The following CD7 variants were observed in gnomAD, a reference collection of about 807,000 sequenced individuals.
CD7 encodes CD7 molecule, also known as T-cell antigen CD7.
Under a neutral mutation model 17.6 loss-of-function variants are expected in CD7, and 19 were observed. That is an observed-to-expected ratio of 1.08 (90% CI 0.75 to 1.58). CD7 has a LOEUF of 1.58. Ranked by LOEUF, CD7 falls within the 40% of genes most tolerant of loss-of-function variation. The pLI is 0.00. For synonymous variants in CD7, 160 were observed against 159.8 expected, an observed-to-expected ratio of 1.00 and a Z score of -0.01; for missense variants, 291 against 327.1, an observed-to-expected ratio of 0.89 and a Z score of 0.85.
chr17:82,317,050 C>T, intron 1 of CD7, 69 bp from the exon 2 acceptor site: 1 of 1,393,614 alleles, frequency 7.2e-7, no homozygotes, highest in Non-Finnish European at 9.6e-7. Flanking sequence ...CTGCAGGGGA[C>T]AGTGGTGGGG....
At position 82,315,367 on chromosome 17, in the gene CD7, G is replaced by T. The variant is rs751672673; in HGVS notation, c.677C>A (p.Ser226Ter). ...SAACVVYEDM[S>*]HSRCNTLSSP... ...GGACAGCGTGTTGCAGCGGCTGTGCGACATGTCCTCGTACACCACACATGC... is the reference window on the plus strand; with the variant it reads ...GGACAGCGTGTTGCAGCGGCTGTGCTACATGTCCTCGTACACCACACATGC... Residue 226 changes from serine (S) to a stop codon, truncating the protein, a stop_gained, in exon 4 of 4, where the codon TCG becomes TAG. Coordinates refer to ENST00000312648, the MANE Select transcript of CD7 (RefSeq NM_006137.7). LOFTEE classifies it high-confidence loss of function. 6.2e-7 allele frequency: 1 copy of T among 1,613,300 alleles called. No homozygotes were observed. Among genetic ancestry groups the T allele is most frequent in the Non-Finnish European group, 8.5e-7 (1 of 1,179,876 alleles).
rs780666550 is a variant in CD7, at chr17:82,316,900, C to T, written c.164G>A (p.Arg55His). The T allele has an allele frequency of 1.1e-5, 18 of 1,612,672 alleles. No homozygotes were observed. Among genetic ancestry groups the T allele is most frequent in the African/African-American group, 8.0e-5 (6 of 74,896 alleles). The change falls in exon 2 of 4, where the codon CGT becomes CAT. Residue 55 changes from arginine (R) to histidine (H), a missense_variant. Arg to His is a conservative substitution (Grantham distance 29, BLOSUM62 0). Coordinates refer to ENST00000312648, the MANE Select transcript of CD7 (RefSeq NM_006137.7). ...CCCGAGCTGCCTCAGGTAGATCCCA[C>T]GCAGGCCCCCGCTGGTGGAGCAGGT... Reference protein sequence around the residue: ...NITCSTSGGLRGIYLRQLGPQ... With the variant: ...NITCSTSGGLHGIYLRQLGPQ...
rs1163689483 is a variant in CD7 at position 82,317,468 on chromosome 17, G to A, written c.28C>T (p.Leu10=). Residue 10 remains leucine (L), a synonymous_variant, in exon 1 of 4, where the codon CTG becomes TTG. Transcript: ENST00000312648. ...CGAGCCAGCGCCAGAAGCAGGGGCA[G>A]CAGCAGGAGCCTCGGAGGCCCGGCC... The part of the protein sequence containing the change: MAGPPRLLL[L]PLLLALARGL... 2 of 1,573,746 alleles carry A rather than the reference G, an allele frequency of 1.3e-6. No homozygotes were observed. The highest frequency in any genetic ancestry group is 1.7e-6 in the Non-Finnish European group (2 of 1,160,354).
Position 82,316,675 on chromosome 17 carries a change from A to G in CD7, c.389T>C (p.Leu130Pro). Reference sequence around the variant, plus strand: ...ATGGGCACATTCCCTACCTGTCACCAGGACCAGGGTGCCGGAGCCGTAGAC... The same window carrying G: ...ATGGGCACATTCCCTACCTGTCACCGGGACCAGGGTGCCGGAGCCGTAGAC... ...VNVYGSGTLV[L>P]VTEEQSQGWH... The change falls in exon 2 of 4, where the codon CTG becomes CCG. Residue 130 changes from leucine to proline, a missense_variant. By Grantham distance (98) the Leu-to-Pro change is moderately conservative (BLOSUM62 -3). Coordinates refer to ENST00000312648, the MANE Select transcript of CD7 (RefSeq NM_006137.7). The G allele has an allele frequency of 6.2e-7, 1 of 1,611,268 alleles. No individual in the cohort carries two copies. Among genetic ancestry groups the G allele is most frequent in the Non-Finnish European group, 8.5e-7 (1 of 1,179,928 alleles).
rs142275515 is a variant in CD7, at chr17:82,315,988, G to A, written c.612+207C>T. ...GCACACGCGCACACGCGGGCCCAGC[G>A]CCTGGGCTGCTCCCTCCCCCTCAGG... On this transcript the variant is annotated intron_variant, in intron 3 of 3. Transcript: ENST00000312648. 1.5e-3 allele frequency: 1,029 copies of A among 668,690 alleles called. 16 individuals carry two copies. In the East Asian group the frequency reaches 0.025, roughly 16 times the overall value. The allele number at this position is 668,690 out of a possible 1,614,324, so 41.4% of individuals were successfully genotyped here.
chr17:82,316,706 C>A lies in CD7; in HGVS notation c.358G>T (p.Val120Phe), dbSNP rs1194755425. The A allele has an allele frequency of 1.2e-6, 2 of 1,613,522 alleles. No homozygotes were observed. The highest frequency in any genetic ancestry group is 1.7e-6 in the Non-Finnish European group (2 of 1,180,012). Residue 120 changes from valine (V) to phenylalanine (F), a missense_variant, in exon 2 of 4, where the codon GTC (valine) becomes TTC (phenylalanine). Physicochemically the swap from Val to Phe is conservative, Grantham distance 50. Coordinates refer to ENST00000312648, the MANE Select transcript of CD7 (RefSeq NM_006137.7). Reference protein sequence around the residue: ...GTYTCQAITEVNVYGSGTLVL... With the variant: ...GTYTCQAITEFNVYGSGTLVL... Reference sequence around the variant, plus strand: ...AGGGTGCCGGAGCCGTAGACATTGACCTCCGTGATGGCCTGGCAGGTGTAG... The same window carrying A: ...AGGGTGCCGGAGCCGTAGACATTGAACTCCGTGATGGCCTGGCAGGTGTAG...
At position 82,315,037 on chromosome 17, in the gene CD7, C is replaced by A; in HGVS notation, c.*284G>T. On this transcript the variant is annotated 3_prime_UTR_variant, in exon 4 of 4. Transcript: ENST00000312648. ...ATCCCACAGAAAAGCCCTCCTTGGC[C>A]ATGGTCGGGAGATGCAGCCAAAGGA... The A allele has an allele frequency of 2.5e-6, 1 of 396,074 alleles. No homozygotes were observed. The highest frequency in any genetic ancestry group is 4.8e-6 in the Non-Finnish European group (1 of 206,726). 24.5% of individuals were successfully genotyped at this position (396,074 alleles called of 1,614,324 possible). A position where few individuals can be genotyped will look rare whatever the true frequency, so the allele number is the denominator to read the frequency against.
rs368275980 is a variant in CD7 at position 82,316,735 on chromosome 17, C to T, written c.329G>A (p.Gly110Asp). 28 of 1,613,564 alleles carry T rather than the reference C, an allele frequency of 1.7e-5. No individual in the cohort carries two copies. The African/African-American group carries it at 3.5e-4, about 20-fold the overall frequency. Residue 110 changes from glycine (G) to aspartate (D), a missense_variant, in exon 2 of 4, where the codon GGC (glycine) becomes GAC (aspartate). Gly to Asp is a moderately conservative substitution (Grantham distance 94). Transcript: ENST00000312648. ...TMHRLQLSDTGTYTCQAITEV... is the reference protein window; with the variant it reads ...TMHRLQLSDTDTYTCQAITEV... ...CGTGATGGCCTGGCAGGTGTAGGTG[C>T]CAGTGTCCGACAGCTGCAGGCGGTG...
chr17:82,317,377 T>A (rs3176829), intron 1 of CD7, 37 bp downstream of exon 1: 1 of 1,533,480 alleles, frequency 6.5e-7, no homozygotes, highest in Non-Finnish European at 8.8e-7. Context: ...GGGAGAGCTC[T>A]GGAGCTGTGG....
rs1490163164 is a variant in CD7, at chr17:82,315,317, T to C, written c.*4A>G. 3.7e-6 allele frequency: 6 copies of C among 1,601,728 alleles called. No homozygotes were observed. The highest frequency in any genetic ancestry group is 2.6e-6 in the Non-Finnish European group (3 of 1,170,822). ...ACAGGCGGGACGTGCAGGGGCCCACTGGGTCACTGGTACTGGTTGGGGGAG... is the reference window on the plus strand; with the variant it reads ...ACAGGCGGGACGTGCAGGGGCCCACCGGGTCACTGGTACTGGTTGGGGGAG... On this transcript the variant is annotated 3_prime_UTR_variant, in exon 4 of 4. Transcript: ENST00000312648.
At chr17:82,316,050 G>A (rs1599646784) in intron 3 of CD7, 145 bp downstream of exon 3, 2 of 901,486 alleles carry the variant, frequency 2.2e-6, no homozygotes, top group African/African-American at 1.7e-5. Flanking sequence ...CCCCGCCGAG[G>A]CCACTTCCAC....
intron 2 of CD7, 25 bp downstream of exon 2, chr17:82,316,642 G>C (rs767309357): frequency 5.4e-5 from 86 of 1,601,700 alleles, no homozygotes; most frequent in Non-Finnish European, 6.7e-5. Flanking sequence ...TTGGGAGGGG[G>C]GTCTGGGATG....
chr17:82,316,013 G>T (rs889249233), intron 3 of CD7, 182 bp downstream of exon 3: 2 of 709,498 alleles, frequency 2.8e-6, no homozygotes, highest in Non-Finnish European at 2.4e-6. Flanking sequence ...TCCCCCTCAG[G>T]TCGCTTTGGT....
intron 3 of CD7, 109 bp downstream of exon 3, chr17:82,316,086 G>A: frequency 1.7e-6 from 2 of 1,154,762 alleles, no homozygotes; most frequent in Non-Finnish European, 1.3e-6. Context: ...GCCTGCAGAG[G>A]AGGCGGCGGG....
In CD7 at chr17:82,316,219, C is replaced by A; in HGVS notation, c.588G>T (p.Val196=). ...CCTGTGTCCTCGCCAGCACACACGC[C>A]ACCCCCAGGCCCAGCCCGAGGAGGA... ...ISFLLGLGLG[V]ACVLARTQIK... is the part of the protein sequence containing the mutation. The change falls in exon 3 of 4, where the codon GTG becomes GTT. Residue 196 remains valine, a synonymous_variant. Transcript: ENST00000312648. The A allele has an allele frequency of 6.4e-7, 1 of 1,565,158 alleles. No individual in the cohort carries two copies. The highest frequency in any genetic ancestry group is 1.2e-5 in the South Asian group (1 of 85,404).
Position 82,315,394 on chromosome 17 carries a change from G to T in CD7, c.650C>A (p.Ala217Glu). ...KLCSWRDKNS[A>E]ACVVYEDMSH... ...CATGTCCTCGTACACCACACATGCC[G>T]CCGAATTCTTATCCCGCCACGAGCA... Residue 217 changes from alanine (A) to glutamate (E), a missense_variant, in exon 4 of 4, where the codon GCG becomes GAG. By Grantham distance (107) the Ala-to-Glu change is moderately radical. Coordinates refer to ENST00000312648, the MANE Select transcript of CD7 (RefSeq NM_006137.7). The T allele has an allele frequency of 6.2e-7, 1 of 1,613,326 alleles. No individual in the cohort carries two copies. Among genetic ancestry groups the T allele is most frequent in the Non-Finnish European group, 8.5e-7 (1 of 1,179,822 alleles).
rs756818594 is a variant in CD7, at chr17:82,317,001, T to A, written c.83-20A>T. 1.9e-6 allele frequency: 3 copies of A among 1,557,218 alleles called. No individual in the cohort carries two copies. The highest frequency in any genetic ancestry group is 2.6e-6 in the Non-Finnish European group (3 of 1,154,720). ...GCACCTCTGGGGAGGACCTGGGCTGTCACCATCAGTCTGGCCAGAAGGACA... is the reference window on the plus strand; with the variant it reads ...GCACCTCTGGGGAGGACCTGGGCTGACACCATCAGTCTGGCCAGAAGGACA... On this transcript the variant is annotated intron_variant, in intron 1 of 3. Coordinates refer to ENST00000312648, the MANE Select transcript of CD7 (RefSeq NM_006137.7).
Position 82,316,790 on chromosome 17 carries a change from C to G in CD7, c.274G>C (p.Gly92Arg). The part of the protein sequence containing the change: ...RRFRGRIDFS[G>R]SQDNLTITMH... ...GTGATAGTCAGGTTGTCCTGGGACC[C>G]TGAGAAGTCGATGCGGCCCCGGAAC... Residue 92 changes from glycine to arginine, a missense_variant, in exon 2 of 4, where the codon GGG becomes CGG. Gly to Arg is a moderately radical substitution (Grantham distance 125). Coordinates refer to ENST00000312648, the MANE Select transcript of CD7 (RefSeq NM_006137.7). 6.2e-7 allele frequency: 1 copy of G among 1,613,860 alleles called. No individual in the cohort carries two copies. Among genetic ancestry groups the G allele is most frequent in the Non-Finnish European group, 8.5e-7 (1 of 1,179,926 alleles).
chr17:82,315,791 G>C, intron 3 of CD7: 1 of 568,232 alleles, frequency 1.8e-6, no homozygotes, highest in Non-Finnish European at 3.1e-6. Context: ...ACAGCACGCC[G>C]GCACACTCCA....
Sources: gnomAD v4.1 joint callset for allele counts on GRCh38, gnomAD v4.1.1 for gene constraint, MANE v1.5 for transcripts, NCBI Gene and HGNC (gene_info 2026-07-23, HGNC 2026-07-21) for gene names.